ZBTB7C: variants seen among roughly 807,000 people sequenced by gnomAD.
ZBTB7C encodes zinc finger and BTB domain-containing protein 7C.
A neutral mutation model predicts 25.7 loss-of-function variants in ZBTB7C; 8 were observed. That is an observed-to-expected ratio of 0.31 (90% CI 0.18 to 0.56). The LOEUF (loss-of-function observed/expected upper bound fraction) is 0.56, where lower values mean the gene tolerates loss of function less well. Among genes scored for constraint, ZBTB7C ranks in the 20% least tolerant of loss-of-function variants. The pLI is 0.91. For missense variants in ZBTB7C, 824 were observed against 855.2 expected, an observed-to-expected ratio of 0.96 and a Z score of 0.46; for synonymous variants, 394 against 369.0, an observed-to-expected ratio of 1.07 and a Z score of -0.78.
chr18:48,110,083 C>A (rs543516278), intron 3 of ZBTB7C, among the ~76,000 whole-genome samples: 1 of 152,192 alleles, frequency 6.6e-6, no homozygotes, highest in Non-Finnish European at 1.5e-5. Context: ...CTTTCCTACT[C>A]TGTATGCGCT....
intron 1 of ZBTB7C, among the ~76,000 whole-genome samples, chr18:48,400,105 T>C (rs1056882853): frequency 6.6e-6 from 1 of 152,176 alleles, no homozygotes; most frequent in Admixed American, 6.5e-5. Flanking sequence ...AAAGTAACAA[T>C]TAATGCCCCT....
chr18:48,034,980 G>A (rs2035912430), intron 4 of ZBTB7C, among the ~76,000 whole-genome samples: 1 of 152,182 alleles, frequency 6.6e-6, no homozygotes, highest in African/African-American at 2.4e-5. Context: ...TGGACTTCTT[G>A]TAACCCGATG....
intron 2 of ZBTB7C, among the ~76,000 whole-genome samples, chr18:48,275,504 T>C (rs2044618176): frequency 6.6e-6 from 1 of 152,048 alleles, no homozygotes; most frequent in Non-Finnish European, 1.5e-5. Context: ...TTGAATTGAG[T>C]CCAGATCCCC....
At chr18:48,093,605 G>T (rs1176290026) in intron 3 of ZBTB7C, among the ~76,000 whole-genome samples, 3 of 147,404 alleles carry the variant, frequency 2.0e-5, no homozygotes, top group Non-Finnish European at 4.5e-5. Context: ...GGGCAGCAGT[G>T]ATTAAAAAAA....
intron 2 of ZBTB7C, among the ~76,000 whole-genome samples, chr18:48,296,773 C>T (rs901497621): frequency 4.7e-5 from 7 of 149,594 alleles, no homozygotes; most frequent in East Asian, 2.0e-4. Context: ...AGGTGAGCGG[C>T]GGGTGGAGCC....
At chr18:48,167,663 C>A (rs2041313741) in intron 3 of ZBTB7C, among the ~76,000 whole-genome samples, 1 of 151,878 alleles carries the variant, frequency 6.6e-6, no homozygotes, top group African/African-American at 2.4e-5. Context: ...TCAAAGCAAC[C>A]TTTCTCCCCC....
intron 3 of ZBTB7C, among the ~76,000 whole-genome samples, chr18:48,181,301 A>G (rs2041915120): frequency 6.6e-6 from 1 of 152,180 alleles, no homozygotes; most frequent in South Asian, 2.1e-4. Flanking sequence ...CCTTCCATGC[A>G]GGAGTGCTGT....
At chr18:48,388,093 C>T (rs1361262636) in intron 1 of ZBTB7C, among the ~76,000 whole-genome samples, 1 of 152,188 alleles carries the variant, frequency 6.6e-6, no homozygotes, top group Non-Finnish European at 1.5e-5. Flanking sequence ...TCCCAAAGCG[C>T]TGGGATTACA....
Position 48,115,499 on chromosome 18 carries a change from A to G in ZBTB7C, c.-17+70435T>C, listed in dbSNP as rs142901329. Reference sequence around the variant, plus strand: ...GAGATCCGCCCGCCTCAGCCTCCCAAAGTGCTGGGATTACAGGCGTGAGCC... The same window carrying G: ...GAGATCCGCCCGCCTCAGCCTCCCAGAGTGCTGGGATTACAGGCGTGAGCC... On this transcript the variant is annotated intron_variant, in intron 3 of 4. Coordinates refer to ENST00000590800, the MANE Select transcript of ZBTB7C (RefSeq NM_001318841.2). Among the ~76,000 whole-genome samples, 253 of 152,026 alleles carry G rather than the reference A, an allele frequency of 1.7e-3. 6 individuals are homozygous for G. In the East Asian group the frequency reaches 0.047, roughly 28 times the overall value.
chr18:48,173,869 T>G (rs1401703703), intron 3 of ZBTB7C, among the ~76,000 whole-genome samples: 1 of 152,182 alleles, frequency 6.6e-6, no homozygotes, highest in Non-Finnish European at 1.5e-5. Flanking sequence ...TGAATGTCCA[T>G]CACTACAGGG....
chr18:48,043,253 A>G lies in ZBTB7C; in HGVS notation c.-16-2130T>C, dbSNP rs557010616. Among the ~76,000 whole-genome samples, 4 of 152,340 alleles carry G rather than the reference A, an allele frequency of 2.6e-5. No homozygotes were observed. The South Asian group carries it at 8.3e-4, about 32-fold the overall frequency. ...ATTCTTGAGCATCTACCCCAGAGAA[A>G]TGAAATCTTATGTCCATGAAAAACT... is the stretch of plus-strand genomic sequence containing the variant. On this transcript the variant is annotated intron_variant, in intron 3 of 4. Transcript: ENST00000590800.
chr18:48,228,434 G>C (rs915211048), intron 2 of ZBTB7C, among the ~76,000 whole-genome samples: 1 of 152,128 alleles, frequency 6.6e-6, no homozygotes, highest in African/African-American at 2.4e-5. Context: ...TATGAGAGAA[G>C]GTTATGGCAC....
chr18:48,075,885 C>A (rs1364271413), intron 3 of ZBTB7C, among the ~76,000 whole-genome samples: 1 of 152,188 alleles, frequency 6.6e-6, no homozygotes, highest in Admixed American at 6.5e-5. Context: ...ATCCGCTCTC[C>A]TAGGAGTTCC....
intron 1 of ZBTB7C, among the ~76,000 whole-genome samples, chr18:48,389,722 C>T (rs2047853962): frequency 1.3e-5 from 2 of 152,130 alleles, no homozygotes; most frequent in South Asian, 4.1e-4. Context: ...CTGATAAAAA[C>T]AAAGAACTGG....
chr18:48,283,206 G>C (rs1445840962), intron 2 of ZBTB7C, among the ~76,000 whole-genome samples: 1 of 152,100 alleles, frequency 6.6e-6, no homozygotes, highest in African/African-American at 2.4e-5. Flanking sequence ...GAAATAATGA[G>C]GGTGCAGTGG....
At chr18:48,093,446 A>C (rs921975627) in intron 3 of ZBTB7C, among the ~76,000 whole-genome samples, 3 of 152,308 alleles carry the variant, frequency 2.0e-5, no homozygotes, top group East Asian at 1.9e-4. Context: ...CAAAAAGTTT[A>C]TATGAATGAC....
chr18:48,354,875 C>A (rs571625724), intron 1 of ZBTB7C, among the ~76,000 whole-genome samples: 2 of 152,290 alleles, frequency 1.3e-5, no homozygotes, highest in Non-Finnish European at 2.9e-5. Flanking sequence ...CGCCAATGCC[C>A]TCCTACGCCC....
chr18:48,367,200 T>TATATATATA (rs2047249031), intron 1 of ZBTB7C, among the ~76,000 whole-genome samples: 1 of 66,018 alleles, frequency 1.5e-5, no homozygotes, highest in Non-Finnish European at 2.9e-5. Flanking sequence ...TATATATATA[T>TATATATATA]ATACACACAC....
At chr18:48,333,834 C>A (rs781563277) in intron 2 of ZBTB7C, among the ~76,000 whole-genome samples, 1 of 152,198 alleles carries the variant, frequency 6.6e-6, no homozygotes, top group Non-Finnish European at 1.5e-5. Context: ...GGCCCATTAA[C>A]CCAACCACAC....
Sources: gnomAD v4.1 joint callset for allele counts (sites outside exome capture counted in the v4.1 genomes callset) on GRCh38, gnomAD v4.1.1 for gene constraint, MANE v1.5 for transcripts, NCBI Gene and HGNC (gene_info 2026-07-23, HGNC 2026-07-21) for gene names.